HIP1R: variants seen among roughly 807,000 people sequenced by gnomAD.
The protein encoded by HIP1R is huntingtin interacting protein 1 related.
In HIP1R, 135 loss-of-function variants were observed where a neutral mutation model predicts 144.2. The ratio of observed to expected loss-of-function variants is 0.94; its 90% CI spans 0.81 to 1.08. The LOEUF (loss-of-function observed/expected upper bound fraction) is 1.08. Ranked by LOEUF, HIP1R falls within the 50% of genes least tolerant of loss-of-function variation. HIP1R has a pLI of 0.00. For missense variants in HIP1R, 1,462 were observed against 1,432.8 expected (o/e 1.02, Z -0.33); for synonymous variants, 698 against 612.8 (o/e 1.14, Z -2.05).
Position 122,835,617 on chromosome 12 carries a change from G to A in HIP1R, c.67G>A (p.Glu23Lys), listed in dbSNP as rs1224929742. The change falls in exon 1 of 32, where the codon GAG (glutamate) becomes AAG (lysine). Residue 23 changes from glutamate to lysine, a missense_variant. Glu to Lys is a moderately conservative substitution (Grantham distance 56). Transcript: ENST00000253083. ...SRRPGHSLEA[E>K]REQFDKTQAI... is the part of the protein sequence containing the mutation. ...CAGGCCGGGCCACAGCCTGGAGGCC[G>A]AGCGCGAGCAGTTCGACAAGACCCA... 3 of 1,303,524 alleles carry A rather than the reference G, an allele frequency of 2.3e-6. No individual in the cohort carries two copies. Among genetic ancestry groups the A allele is most frequent in the Admixed American group, 2.9e-5 (1 of 34,146 alleles). 80.7% of individuals were successfully genotyped at this position (1,303,524 alleles called of 1,614,324 possible).
intron 23 of HIP1R, 25 bp downstream of exon 23, chr12:122,859,561 C>T (rs761532786): frequency 8.9e-6 from 14 of 1,576,630 alleles, no homozygotes; most frequent in Admixed American, 3.4e-5. Flanking sequence ...TGGGGACTCC[C>T]CTCATTCCTG....
chr12:122,845,528 C>T (rs58867321), intron 1 of HIP1R, among the ~76,000 whole-genome samples: 2,243 of 152,340 alleles, frequency 0.015, 54 homozygotes, highest in African/African-American at 0.051. Flanking sequence ...AAGGCATGCC[C>T]CGTCACACTG....
intron 1 of HIP1R, among the ~76,000 whole-genome samples, chr12:122,841,893 C>T (rs1168768269): frequency 1.3e-5 from 2 of 152,170 alleles, no homozygotes; most frequent in Non-Finnish European, 2.9e-5. Context: ...CTCTCATGCT[C>T]CCCTCGGGAG....
At position 122,860,204 on chromosome 12, in the gene HIP1R, C is replaced by T. The variant is rs1443940136; in HGVS notation, c.2553C>T (p.Ser851=). ...GCCTGCAGAAGGAGATCGTGGAGAG[C>T]GGCAGGGTGAGGGGCCGGCGGCAGC... ...STSLQKEIVE[S]GRGAATQQEF... The change falls in exon 26 of 32, where the codon AGC becomes AGT. Residue 851 remains serine, a synonymous_variant. Coordinates refer to ENST00000253083, the MANE Select transcript of HIP1R (RefSeq NM_003959.3). 4 of 1,560,360 alleles carry T rather than the reference C, an allele frequency of 2.6e-6. No homozygotes were observed. The highest frequency in any genetic ancestry group is 2.6e-6 in the Non-Finnish European group (3 of 1,154,500).
At position 122,836,244 on chromosome 12, in the gene HIP1R, TG is replaced by T; in HGVS notation, c.93+602del. On this transcript the variant is annotated intron_variant, in intron 1 of 31. Coordinates refer to ENST00000253083, the MANE Select transcript of HIP1R (RefSeq NM_003959.3). The surrounding 1 kb of genome is among the most constrained non-coding windows in gnomAD (Gnocchi z 4.1). ...GCACAGTCTCCTATTATTTGCTGGG[TG>T]AAAAGCTTCTCGTATGTCGCCAGAC... 6.6e-6 allele frequency among the ~76,000 whole-genome samples: 1 copy of T among 152,256 alleles called. No homozygotes were observed. Among genetic ancestry groups the T allele is most frequent in the Middle Eastern group, 3.4e-3 (1 of 294 alleles).
chr12:122,851,177 G>T, intron 6 of HIP1R, 59 bp from the exon 7 acceptor site: 1 of 1,426,572 alleles, frequency 7.0e-7, no homozygotes, highest in South Asian at 1.5e-5. Context: ...GGGCGTCTCA[G>T]GACGAGTGGG....
intron 22 of HIP1R, 36 bp from the exon 23 acceptor site, chr12:122,859,390 C>A (rs200785535): frequency 2.6e-6 from 4 of 1,560,114 alleles, no homozygotes; most frequent in Middle Eastern, 1.7e-4. Context: ...CGGGGGGGGA[C>A]GGAGGCTACC....
At chr12:122,855,215 A>G (rs375196602) in intron 10 of HIP1R, 50 bp from the exon 11 acceptor site, 3 of 1,610,792 alleles carry the variant, frequency 1.9e-6, no homozygotes, top group Non-Finnish European at 2.5e-6. Flanking sequence ...TGGCGGAAGG[A>G]GGGCTTGCTT....
At chr12:122,846,971 C>T (rs886866760) in intron 1 of HIP1R, among the ~76,000 whole-genome samples, 1 of 152,236 alleles carries the variant, frequency 6.6e-6, no homozygotes, top group Non-Finnish European at 1.5e-5. Context: ...TCCTGCAAGC[C>T]GGCTCCCTGC....
rs377651170 is a variant in HIP1R, at chr12:122,861,059, G to A, written c.2890+20G>A. The stretch of plus-strand genomic sequence containing the variant: ...ACAGAGGTGAGTGCCAGATGCCAAC[G>A]GGGGCTGCTGGCTCCCGAGGCTGAA... On this transcript the variant is annotated intron_variant, in intron 29 of 31. Coordinates refer to ENST00000253083, the MANE Select transcript of HIP1R (RefSeq NM_003959.3). The A allele has an allele frequency of 1.9e-5, 31 of 1,613,464 alleles. No homozygotes were observed. Among genetic ancestry groups the A allele is most frequent in the African/African-American group, 5.3e-5 (4 of 74,936 alleles).
At chr12:122,841,339 G>T in intron 1 of HIP1R, among the ~76,000 whole-genome samples, 1 of 152,240 alleles carries the variant, frequency 6.6e-6, no homozygotes, top group African/African-American at 2.4e-5. Flanking sequence ...CGCATGTGTA[G>T]ACCAGGCTCG....
rs368029781 is a variant in HIP1R, at chr12:122,861,490, C to G, written c.3135C>G (p.Ser1045Arg). ...TKKPPLAQKPSVAPRQDHQLD... is the reference protein window; with the variant it reads ...TKKPPLAQKPRVAPRQDHQLD... ...AACCACCCCTGGCCCAGAAGCCCAG[C>G]GTGGCCCCCAGACAGGACCACCAGG... Residue 1045 changes from serine to arginine, a missense_variant, in exon 31 of 32, where the codon AGC (serine) becomes AGG (arginine). Physicochemically the swap from Ser to Arg is moderately radical, Grantham distance 110 (BLOSUM62 -1). Around this residue, in one of 2 missense-constraint regions of HIP1R, gnomAD observed 1,112 missense variants for 1,011.7 expected, o/e 1.10. Coordinates refer to ENST00000253083, the MANE Select transcript of HIP1R (RefSeq NM_003959.3). The G allele has an allele frequency of 6.2e-7, 1 of 1,612,324 alleles. No individual in the cohort carries two copies. The highest frequency in any genetic ancestry group is 1.7e-5 in the Admixed American group (1 of 59,894).
Position 122,861,319 on chromosome 12 carries a change from G to A in HIP1R, c.2964G>A (p.Leu988=), listed in dbSNP as rs779287499. 10 of 1,613,754 alleles carry A rather than the reference G, an allele frequency of 6.2e-6. No individual in the cohort carries two copies. In the South Asian group the frequency reaches 6.6e-5, roughly 11 times the overall value. Reference sequence around the variant, plus strand: ...CCGTGTGGCTACAGGTGCGTGTCCTGGAGCTGGAGAAGACGCTGGAGGCTG... The same window carrying A: ...CCGTGTGGCTACAGGTGCGTGTCCTAGAGCTGGAGAAGACGCTGGAGGCTG... ...KQEMETQVRV[L]ELEKTLEAER... is the part of the protein sequence containing the mutation. The change falls in exon 31 of 32, where the codon CTG becomes CTA. Residue 988 remains leucine (L), a synonymous_variant. Transcript: ENST00000253083.
chr12:122,852,740 AAG>A (rs1417206600), intron 7 of HIP1R, among the ~76,000 whole-genome samples: 1 of 152,162 alleles, frequency 6.6e-6, no homozygotes, highest in African/African-American at 2.4e-5. Context: ...GGGTGGTGGG[AAG>A]AGAGATGTGT....
Position 122,856,789 on chromosome 12 carries a change from C to T in HIP1R, c.1620+63C>T, listed in dbSNP as rs1555263294. The T allele has an allele frequency of 4.3e-6, 6 of 1,394,738 alleles. No individual in the cohort carries two copies. In the East Asian group the frequency reaches 1.0e-4, roughly 23 times the overall value. The allele number at this position is 1,394,738 out of a possible 1,614,324, so 86.4% of individuals were successfully genotyped here. ...GGCCAGTCCTGGGTGGAAGTCAGGTCCTCTTTCCCGTGAACAGGCCCCACC... is the reference window on the plus strand; with the variant it reads ...GGCCAGTCCTGGGTGGAAGTCAGGTTCTCTTTCCCGTGAACAGGCCCCACC... On this transcript the variant is annotated intron_variant, in intron 17 of 31. Transcript: ENST00000253083.
chr12:122,851,133 A>G (rs2033381300), intron 6 of HIP1R, 103 bp from the exon 7 acceptor site: 2 of 1,056,696 alleles, frequency 1.9e-6, no homozygotes, highest in Admixed American at 5.5e-5. Flanking sequence ...CACCAGAGCC[A>G]TGGTGTCGGC....
chr12:122,853,759 C>T (rs867313197), intron 7 of HIP1R: 8 of 348,500 alleles, frequency 2.3e-5, no homozygotes, highest in South Asian at 6.6e-5. Context: ...CCTTGTCAGT[C>T]GGGCACCTCG....
Position 122,857,062 on chromosome 12 carries a change from G to C in HIP1R, c.1662G>C (p.Ala554=). ...ELSSRLDTLS[A]EKDALSGAVR... Reference sequence around the variant, plus strand: ...GCTCACGGCTGGACACGCTGAGTGCGGAGAAGGATGCTCTGAGTGGAGCTG... The same window carrying C: ...GCTCACGGCTGGACACGCTGAGTGCCGAGAAGGATGCTCTGAGTGGAGCTG... The change falls in exon 18 of 32, where the codon GCG becomes GCC. Residue 554 remains alanine (A), a synonymous_variant. Transcript: ENST00000253083. The C allele has an allele frequency of 6.4e-6, 10 of 1,551,320 alleles. No homozygotes were observed. Among genetic ancestry groups the C allele is most frequent in the Non-Finnish European group, 8.7e-6 (10 of 1,147,730 alleles).
intron 31 of HIP1R, 54 bp downstream of exon 31, chr12:122,861,568 C>T (rs2033775256): frequency 1.5e-5 from 23 of 1,575,856 alleles, no homozygotes; most frequent in South Asian, 3.4e-5. Context: ...TGTCCCCAGC[C>T]CTAGAGGGGC....
Sources: gnomAD v4.1 joint callset for allele counts (sites outside exome capture counted in the v4.1 genomes callset) on GRCh38, gnomAD v4.1.1 for gene constraint, gnomAD v4.1.1 regional missense constraint, Gnocchi (gnomAD v3.1) non-coding constraint, MANE v1.5 for transcripts, NCBI Gene and HGNC (gene_info 2026-07-23, HGNC 2026-07-21) for gene names.